Variants in JAKMIP3 observed in about 807,000 individuals in gnomAD.
JAKMIP3 encodes Janus kinase and microtubule interacting protein 3.
A neutral mutation model predicts 118.5 loss-of-function variants in JAKMIP3; 58 were observed. The ratio of observed to expected loss-of-function variants is 0.49; its 90% CI spans 0.40 to 0.61. The LOEUF is 0.61. JAKMIP3 is among the 20% of genes least tolerant of loss of function. JAKMIP3 has a pLI of 0.00. For synonymous variants in JAKMIP3, 486 were observed against 451.2 expected (o/e 1.08, Z -0.98); for missense variants, 950 against 1,109.0 (o/e 0.86, Z 2.04).
In JAKMIP3 at chr10:132,137,135, AGATGAACT is replaced by A. The variant is rs1483771648; in HGVS notation, c.1235_1242del (p.Asp412ValfsTer2). ...AGATTGTGGAGCAGCAAAACCTCAT[AGATGAACT>A]GTCTAAGGTACCCGGCGGGCTGTTT... is the stretch of plus-strand genomic sequence containing the variant. On this transcript the variant is annotated frameshift_variant, in exon 7 of 24. Coordinates refer to ENST00000684848, the MANE Select transcript of JAKMIP3 (RefSeq NM_001323087.2). LOFTEE classifies it high-confidence loss of function. 1 of 1,613,826 alleles carries A rather than the reference AGATGAACT, an allele frequency of 6.2e-7. No individual in the cohort carries two copies. Among genetic ancestry groups the A allele is most frequent in the Non-Finnish European group, 8.5e-7 (1 of 1,179,880 alleles).
intron 22 of JAKMIP3, among the ~76,000 whole-genome samples, chr10:132,167,472 G>A (rs551949862): frequency 6.6e-5 from 10 of 152,288 alleles, no homozygotes; most frequent in African/African-American, 2.2e-4. Context: ...AAGCTCGGGC[G>A]GTGCTGGAGA....
chr10:132,065,283 G>C (rs1183730992), upstream of JAKMIP3, among the ~76,000 whole-genome samples: 1 of 152,018 alleles, frequency 6.6e-6, no homozygotes, highest in East Asian at 1.9e-4. This position sits in a 1 kb window ranked among gnomAD's most constrained non-coding sequence, Gnocchi z 5.6. Context: ...TGGGATTGGC[G>C]GGCCAGGTGA....
chr10:132,149,556 C>T, intron 15 of JAKMIP3, 46 bp downstream of exon 15: 1 of 836,068 alleles, frequency 1.2e-6, no homozygotes, highest in Non-Finnish European at 1.7e-6. Flanking sequence ...CTCACCCATC[C>T]CCCGCCCCAC....
At chr10:132,057,935 G>A (rs1162233176) in intron 1 of JAKMIP3, among the ~76,000 whole-genome samples, 1 of 152,264 alleles carries the variant, frequency 6.6e-6, no homozygotes, top group Non-Finnish European at 1.5e-5. Context: ...AGTGGAGACA[G>A]GGTTCGGGTG....
At chr10:132,175,383 TG>T (rs769003715) in intron 23 of JAKMIP3, among the ~76,000 whole-genome samples, 39 of 152,174 alleles carry the variant, frequency 2.6e-4, no homozygotes, top group Non-Finnish European at 5.6e-4. Flanking sequence ...TCCTCCTTTT[TG>T]TTATTAAAGT....
chr10:132,167,808 CCCCTCACCCCTCGG>C (rs200218750), intron 22 of JAKMIP3, 131 bp from the exon 23 acceptor site: 50,456 of 431,314 alleles, frequency 0.12, 3,652 homozygotes, highest in Middle Eastern at 0.14. Context: ...TCGGTCCTCA[CCCCTCACCCCTCGG>C]CCCTCACCCC....
Position 132,133,233 on chromosome 10 carries a change from G to A in JAKMIP3, c.634-79G>A, listed in dbSNP as rs1303142610. ...TTCCGGTCTCAGAGCCCAGAGCCTG[G>A]CAGGGCTGCGCCCGTTTCTATGGTA... On this transcript the variant is annotated intron_variant, in intron 3 of 23. Transcript: ENST00000684848. The A allele has an allele frequency of 2.4e-6, 3 of 1,232,268 alleles. No homozygotes were observed. In the African/African-American group the frequency reaches 4.5e-5, roughly 18 times the overall value. 76.3% of individuals were successfully genotyped at this position (1,232,268 alleles called of 1,614,324 possible). A position where few individuals can be genotyped will look rare whatever the true frequency, so the allele number is the denominator to read the frequency against.
intron 1 of JAKMIP3, among the ~76,000 whole-genome samples, chr10:132,081,429 C>T (rs143120410): frequency 3.9e-4 from 60 of 152,278 alleles, no homozygotes; most frequent in African/African-American, 1.2e-3. Context: ...TAACTCAGCA[C>T]TATTGAGAAA....
chr10:132,068,735 C>T (rs1469856681), intron 1 of JAKMIP3, among the ~76,000 whole-genome samples: 1 of 152,162 alleles, frequency 6.6e-6, no homozygotes, highest in Non-Finnish European at 1.5e-5. Flanking sequence ...TTTGGGGTCC[C>T]TCTGGAAGGC....
chr10:132,143,456 G>A (rs544946034), intron 11 of JAKMIP3, among the ~76,000 whole-genome samples: 2 of 152,204 alleles, frequency 1.3e-5, no homozygotes, highest in South Asian at 2.1e-4. Context: ...TTTTCCTGTC[G>A]GGTGCCAGAG....
rs150279300 is a variant in JAKMIP3 at position 132,052,934 on chromosome 10, G to T, written c.-138+16196G>T. On this transcript the variant is annotated intron_variant, in intron 1 of 23. Coordinates refer to the JAKMIP3 transcript ENST00000657785. ...CTAGTTTTAAAAATAGAATTGTTTTGTGAACTGTATTTGTCAATTCTAATG... is the reference window on the plus strand; with the variant it reads ...CTAGTTTTAAAAATAGAATTGTTTTTTGAACTGTATTTGTCAATTCTAATG... 1.1e-3 allele frequency among the ~76,000 whole-genome samples: 165 copies of T among 152,326 alleles called. 2 individuals carry two copies. In the East Asian group the frequency reaches 0.03, roughly 28 times the overall value.
chr10:132,164,537 A>C, intron 20 of JAKMIP3, 133 bp from the exon 21 acceptor site: 1 of 654,166 alleles, frequency 1.5e-6, no homozygotes, highest in Non-Finnish European at 2.7e-6. Flanking sequence ...TGTCCTCGTC[A>C]GGAGCCACGG....
chr10:132,084,494 T>C (rs2042145876), intron 1 of JAKMIP3, among the ~76,000 whole-genome samples: 1 of 152,244 alleles, frequency 6.6e-6, no homozygotes, highest in Non-Finnish European at 1.5e-5. Context: ...CAGTGACAAT[T>C]CGACTTCCTC....
intron 11 of JAKMIP3, chr10:132,143,593 A>G (rs1176352962): frequency 6.6e-6 from 1 of 152,258 alleles, no homozygotes; most frequent in Non-Finnish European, 1.5e-5. Context: ...TCTGATGCCG[A>G]GAAGTGCTGC....
chr10:132,102,470 C>G (rs577548234), intron 1 of JAKMIP3, among the ~76,000 whole-genome samples: 1 of 152,302 alleles, frequency 6.6e-6, no homozygotes, highest in East Asian at 1.9e-4. Flanking sequence ...CCCTCCAGTC[C>G]CCGTCTCACA....
rs1224462998 is a variant in JAKMIP3 at position 132,183,198 on chromosome 10, C to T, written c.*1945C>T. On this transcript the variant is annotated 3_prime_UTR_variant, in exon 24 of 24. Transcript: ENST00000684848. The stretch of plus-strand genomic sequence containing the variant: ...CTACCGTGGCGCTGTGGGTGAACCG[C>T]TGGGTTGAAGTCCGATGGACTCTAC... 1 of 152,224 alleles carries T rather than the reference C, an allele frequency of 6.6e-6. No homozygotes were observed. Among genetic ancestry groups the T allele is most frequent in the East Asian group, 1.9e-4 (1 of 5,204 alleles). 9.4% of individuals were successfully genotyped at this position (152,224 alleles called of 1,614,324 possible).
chr10:132,170,733 A>T (rs1003926280), intron 23 of JAKMIP3, among the ~76,000 whole-genome samples: 1 of 152,152 alleles, frequency 6.6e-6, no homozygotes, highest in Non-Finnish European at 1.5e-5. Flanking sequence ...ACTGTGTCTC[A>T]GGCCTGTCGG....
chr10:132,128,267 G>GC (rs771217742), intron 3 of JAKMIP3, among the ~76,000 whole-genome samples: 2 of 152,186 alleles, frequency 1.3e-5, no homozygotes, highest in Non-Finnish European at 2.9e-5. Flanking sequence ...CCGTTGAAAA[G>GC]CCAGCCATCA....
chr10:132,135,526 A>C (rs941150612), intron 5 of JAKMIP3, among the ~76,000 whole-genome samples: 6 of 150,298 alleles, frequency 4.0e-5, no homozygotes, highest in Non-Finnish European at 4.5e-5. Context: ...GTGAGCTGTC[A>C]CGTGTCTGCA....
Sources: allele counts gnomAD v4.1 joint callset (sites outside exome capture counted in the v4.1 genomes callset), GRCh38; gene constraint gnomAD v4.1.1; non-coding constraint Gnocchi (gnomAD v3.1); transcripts MANE v1.5; gene names NCBI Gene and HGNC (gene_info 2026-07-23, HGNC 2026-07-21).